Variants in EDNRA observed in about 807,000 individuals in gnomAD.
The protein encoded by EDNRA is endothelin receptor type A.
EDNRA carries 11 observed loss-of-function variants against 41.4 expected under a neutral mutation model. The observed-to-expected ratio is 0.27, with a 90% confidence interval of 0.17 to 0.44. EDNRA has a LOEUF of 0.44. Ranked by LOEUF, EDNRA falls within the 20% of genes least tolerant of loss-of-function variation. EDNRA has a pLI of 1.00. For synonymous variants in EDNRA, 172 were observed against 183.0 expected, an observed-to-expected ratio of 0.94 and a Z score of 0.49; for missense variants, 294 against 531.0, an observed-to-expected ratio of 0.55 and a Z score of 4.39.
chr4:147,481,804 C>A (rs1428422496), intron 1 of EDNRA, among the ~76,000 whole-genome samples: 1 of 152,208 alleles, frequency 6.6e-6, no homozygotes, highest in Non-Finnish European at 1.5e-5. Flanking sequence ...TTTCCTCCCC[C>A]ACATCTGGGT....
intron 1 of EDNRA, among the ~76,000 whole-genome samples, chr4:147,481,611 G>A (rs1014333183): frequency 7.2e-5 from 11 of 152,334 alleles, no homozygotes; most frequent in South Asian, 4.1e-4. Flanking sequence ...AGAGTTCGGG[G>A]AACTTCACCT....
chr4:147,520,631 T>G (rs571700787), intron 3 of EDNRA, among the ~76,000 whole-genome samples: 1 of 152,232 alleles, frequency 6.6e-6, no homozygotes, highest in African/African-American at 2.4e-5. Context: ...ATTATAAGAA[T>G]GAAATTAGGA....
intron 7 of EDNRA, among the ~76,000 whole-genome samples, chr4:147,541,630 A>G (rs1055320715): frequency 6.6e-6 from 1 of 152,230 alleles, no homozygotes; most frequent in Admixed American, 6.5e-5. Flanking sequence ...TAGAGAGGAA[A>G]AACACAGTAA....
chr4:147,506,060 C>A, intron 2 of EDNRA: 1 of 493,104 alleles, frequency 2.0e-6, no homozygotes, highest in Non-Finnish European at 4.0e-6. Flanking sequence ...CTGTACATTG[C>A]TCTTTCCCTG....
At chr4:147,531,838 C>T (rs1341772995) in intron 3 of EDNRA, 1 of 152,290 alleles carries the variant, frequency 6.6e-6, no homozygotes, top group Non-Finnish European at 1.5e-5. Flanking sequence ...AACCCCATCT[C>T]TACTAAAAAT....
intron 4 of EDNRA, among the ~76,000 whole-genome samples, chr4:147,534,907 G>C (rs1389922506): frequency 1.3e-5 from 2 of 152,052 alleles, no homozygotes; most frequent in Non-Finnish European, 2.9e-5. Flanking sequence ...TTTGTCTTTA[G>C]GAACCATTTT....
chr4:147,482,518 G>A (rs1163946013), intron 1 of EDNRA, among the ~76,000 whole-genome samples: 1 of 152,192 alleles, frequency 6.6e-6, no homozygotes, highest in Non-Finnish European at 1.5e-5. Flanking sequence ...TCCTGGAAAT[G>A]AGCTACAGAC....
chr4:147,502,088 T>C (rs1729536718), intron 2 of EDNRA, among the ~76,000 whole-genome samples: 1 of 152,150 alleles, frequency 6.6e-6, no homozygotes, highest in South Asian at 2.1e-4. Context: ...TTTGTTCCTA[T>C]ATGCTAAGAT....
chr4:147,540,011 T>C, intron 6 of EDNRA, 61 bp downstream of exon 6: 1 of 1,536,944 alleles, frequency 6.5e-7, no homozygotes, highest in Middle Eastern at 1.8e-4. Flanking sequence ...TTTATAATAC[T>C]TTTACAAAAC....
chr4:147,511,777 A>G (rs1729936638), intron 2 of EDNRA, among the ~76,000 whole-genome samples: 1 of 152,168 alleles, frequency 6.6e-6, no homozygotes, highest in South Asian at 2.1e-4. Context: ...CTGACCATAG[A>G]GACTGATGAT....
chr4:147,513,956 G>A (rs1033872748), intron 2 of EDNRA, among the ~76,000 whole-genome samples: 2 of 152,146 alleles, frequency 1.3e-5, no homozygotes, highest in African/African-American at 2.4e-5. Flanking sequence ...TAAGTAGCAG[G>A]GGATATTAAC....
chr4:147,484,057 G>A (rs1426200480), intron 1 of EDNRA, among the ~76,000 whole-genome samples: 1 of 151,846 alleles, frequency 6.6e-6, no homozygotes, highest in African/African-American at 2.4e-5. Context: ...TATGACCTGG[G>A]TATATACATC....
intron 2 of EDNRA, among the ~76,000 whole-genome samples, chr4:147,510,296 T>C (rs1254376207): frequency 6.6e-6 from 1 of 152,166 alleles, no homozygotes; most frequent in Non-Finnish European, 1.5e-5. Flanking sequence ...TGTAGGCTGA[T>C]TGTATTAGAC....
intron 1 of EDNRA, among the ~76,000 whole-genome samples, chr4:147,482,962 G>T (rs546919559): frequency 8.5e-5 from 13 of 152,304 alleles, no homozygotes; most frequent in Non-Finnish European, 1.9e-4. Context: ...TTTTAAGAAA[G>T]CTGTTATTGA....
chr4:147,481,575 G>T (rs1728758267), intron 1 of EDNRA, among the ~76,000 whole-genome samples, 199 bp downstream of exon 1: 1 of 152,256 alleles, frequency 6.6e-6, no homozygotes, highest in Non-Finnish European at 1.5e-5. Flanking sequence ...GGCGCCTTCC[G>T]TGAGGGGTGC....
intron 3 of EDNRA, among the ~76,000 whole-genome samples, chr4:147,523,477 G>GT (rs1560910677): frequency 2.1e-3 from 215 of 102,774 alleles, no homozygotes; most frequent in African/African-American, 0.013. Flanking sequence ...TTTTGTTGTT[G>GT]TTGTTTTTTT....
intron 2 of EDNRA, among the ~76,000 whole-genome samples, chr4:147,513,566 T>A (rs72961616): frequency 6.6e-6 from 1 of 152,208 alleles, no homozygotes; most frequent in African/African-American, 2.4e-5. Context: ...AAGATGTTTT[T>A]GTTTGCTACT....
Position 147,539,368 on chromosome 4 carries a change from G to C in EDNRA, c.901-449G>C, listed in dbSNP as rs574855619. Among the ~76,000 whole-genome samples the C allele has an allele frequency of 2.6e-5, 4 of 151,786 alleles. No homozygotes were observed. In the South Asian group the frequency reaches 8.4e-4, roughly 32 times the overall value. ...ATATCATGTGATGTTCAGTCTCCTT[G>C]CCTTCCATGCCATCATTAATGCTAA... On this transcript the variant is annotated intron_variant, in intron 5 of 7. Coordinates refer to ENST00000651419, the MANE Select transcript of EDNRA (RefSeq NM_001957.4).
chr4:147,486,182 A>G lies in EDNRA; in HGVS notation c.420+81A>G, dbSNP rs1381407409. 4.8e-6 allele frequency: 7 copies of G among 1,464,608 alleles called. No homozygotes were observed. The highest frequency in any genetic ancestry group is 6.4e-6 in the Non-Finnish European group (7 of 1,094,656). 90.7% of individuals were successfully genotyped at this position (1,464,608 alleles called of 1,614,324 possible). ...TGGAGAGTTGCTGCAGACTTTTCTG[A>G]CCTTTGGAATTTTATCTGTGTTTTT... On this transcript the variant is annotated intron_variant, in intron 2 of 7. Coordinates refer to ENST00000651419, the MANE Select transcript of EDNRA (RefSeq NM_001957.4). The surrounding 1 kb of genome is among the most constrained non-coding windows in gnomAD (Gnocchi z 4.3).
Sources: gnomAD v4.1 joint callset for allele counts (sites outside exome capture counted in the v4.1 genomes callset) on GRCh38, gnomAD v4.1.1 for gene constraint, Gnocchi (gnomAD v3.1) non-coding constraint, MANE v1.5 for transcripts, NCBI Gene and HGNC (gene_info 2026-07-23, HGNC 2026-07-21) for gene names.